The following CNTNAP2 variants were observed in gnomAD, a reference collection of about 807,000 sequenced individuals.
CNTNAP2 encodes contactin associated protein 2.
In CNTNAP2, 98 loss-of-function variants were observed where a neutral mutation model predicts 155.2. The ratio of observed to expected loss-of-function variants is 0.63; its 90% CI spans 0.54 to 0.75. CNTNAP2 has a LOEUF of 0.75. Among genes scored for constraint, CNTNAP2 ranks in the 30% least tolerant of loss-of-function variants. CNTNAP2 has a pLI of 0.00. For missense variants in CNTNAP2, 1,727 were observed against 1,688.1 expected (o/e 1.02, Z -0.40); for synonymous variants, 651 against 631.2 (o/e 1.03, Z -0.47).
chr7:147,891,043 G>A (rs562399670), intron 13 of CNTNAP2, among the ~76,000 whole-genome samples: 2 of 152,120 alleles, frequency 1.3e-5, no homozygotes, highest in African/African-American at 4.8e-5. Flanking sequence ...TGTGTTAAAT[G>A]TATTTAATTT....
At chr7:148,136,048 G>GAA (rs1804941477) in intron 16 of CNTNAP2, among the ~76,000 whole-genome samples, 1 of 79,296 alleles carries the variant, frequency 1.3e-5, no homozygotes, top group African/African-American at 4.9e-5. Context: ...AGGGAGGGAG[G>GAA]GGAAGGGAAG....
At chr7:147,774,008 T>G (rs890683972) in intron 13 of CNTNAP2, among the ~76,000 whole-genome samples, 1 of 152,168 alleles carries the variant, frequency 6.6e-6, no homozygotes, top group African/African-American at 2.4e-5. Context: ...TCTTTGATTT[T>G]TGTTGTTTTC....
intron 13 of CNTNAP2, among the ~76,000 whole-genome samples, chr7:147,658,961 A>G (rs1404248219): frequency 6.6e-6 from 1 of 152,108 alleles, no homozygotes; most frequent in Non-Finnish European, 1.5e-5. Context: ...GCACAATCTT[A>G]TTTTTGGAAC....
At chr7:147,523,279 C>G in intron 11 of CNTNAP2, among the ~76,000 whole-genome samples, 1 of 152,144 alleles carries the variant, frequency 6.6e-6, no homozygotes, top group East Asian at 1.9e-4. Context: ...CATCCCGGTT[C>G]ACCAAGAGGG....
chr7:146,795,897 T>A (rs1802759942), intron 2 of CNTNAP2, among the ~76,000 whole-genome samples: 1 of 152,128 alleles, frequency 6.6e-6, no homozygotes, highest in South Asian at 2.1e-4. Flanking sequence ...TGAAAACAAC[T>A]TAAATGTCCA....
intron 3 of CNTNAP2, among the ~76,000 whole-genome samples, chr7:146,918,726 C>A (rs1455987022): frequency 6.6e-6 from 1 of 152,192 alleles, no homozygotes; most frequent in Non-Finnish European, 1.5e-5. Context: ...ATGTCTAGAT[C>A]CCCAGCAAGG....
intron 3 of CNTNAP2, among the ~76,000 whole-genome samples, chr7:146,953,130 A>C (rs1276708951): frequency 6.6e-6 from 1 of 152,040 alleles, no homozygotes; most frequent in Non-Finnish European, 1.5e-5. Flanking sequence ...AAAAAACTTG[A>C]TGGATAGTCA....
intron 1 of CNTNAP2, among the ~76,000 whole-genome samples, chr7:146,548,317 A>G (rs1798061206): frequency 6.6e-6 from 1 of 152,028 alleles, no homozygotes; most frequent in Admixed American, 6.6e-5. Flanking sequence ...TTATGGATGC[A>G]TAGTATTCCT....
intron 10 of CNTNAP2, among the ~76,000 whole-genome samples, chr7:147,464,980 A>G (rs2373136): frequency 0.78 from 118,480 of 151,722 alleles, 46,620 homozygotes; most frequent in African/African-American, 0.88. Flanking sequence ...TGCAGCCATA[A>G]AAAGAGTAAA....
At chr7:147,532,036 T>C (rs113484508) in intron 11 of CNTNAP2, among the ~76,000 whole-genome samples, 27,358 of 152,022 alleles carry the variant, frequency 0.18, 2,679 homozygotes, top group Admixed American at 0.25. Flanking sequence ...CTCGATCTCC[T>C]GACCTTGTGA....
At chr7:146,130,827 T>C (rs753588576) in intron 1 of CNTNAP2, among the ~76,000 whole-genome samples, 2 of 152,106 alleles carry the variant, frequency 1.3e-5, no homozygotes, top group Non-Finnish European at 2.9e-5. Flanking sequence ...TCTTACATGG[T>C]GGCAGATGAG....
rs550632458 is a variant in CNTNAP2 at position 147,261,199 on chromosome 7, A to G, written c.1349-38942A>G. On this transcript the variant is annotated intron_variant, in intron 8 of 23. Coordinates refer to ENST00000361727, the MANE Select transcript of CNTNAP2 (RefSeq NM_014141.6). ...ATGTATCCTTTTGGTCACCCATTAAATCACATGAGAAATGTTTAAATTCCT... is the reference window on the plus strand; with the variant it reads ...ATGTATCCTTTTGGTCACCCATTAAGTCACATGAGAAATGTTTAAATTCCT... Among the ~76,000 whole-genome samples, 46 of 152,330 alleles carry G rather than the reference A, an allele frequency of 3.0e-4. 1 individual carries two copies. The South Asian group carries it at 6.8e-3, about 23-fold the overall frequency.
chr7:148,025,126 A>G (rs982303159), intron 15 of CNTNAP2, among the ~76,000 whole-genome samples: 4 of 152,212 alleles, frequency 2.6e-5, no homozygotes, highest in Non-Finnish European at 4.4e-5. Context: ...CTGCTAAGAT[A>G]TATGCATAGT....
At chr7:148,164,989 G>T (rs114542224) in intron 17 of CNTNAP2, among the ~76,000 whole-genome samples, 2,114 of 151,950 alleles carry the variant, frequency 0.014, 45 homozygotes, top group African/African-American at 0.049. Flanking sequence ...GTGAGAAGAG[G>T]GACCCCAAGG....
chr7:148,349,995 G>T (rs374131423), intron 21 of CNTNAP2, among the ~76,000 whole-genome samples: 1 of 152,244 alleles, frequency 6.6e-6, no homozygotes, highest in African/African-American at 2.4e-5. Flanking sequence ...TGGGAGGTCA[G>T]TGGAGGGCTT....
At chr7:146,491,917 C>A (rs700275) in intron 1 of CNTNAP2, among the ~76,000 whole-genome samples, 77,976 of 151,636 alleles carry the variant, frequency 0.51, 20,224 homozygotes, top group Admixed American at 0.62. Context: ...GTGATACCTC[C>A]CTGAAACTCT....
intron 4 of CNTNAP2, among the ~76,000 whole-genome samples, chr7:147,060,270 A>C (rs1799638559): frequency 6.6e-6 from 1 of 152,198 alleles, no homozygotes; most frequent in Non-Finnish European, 1.5e-5. Flanking sequence ...AAGTCATGAC[A>C]AAAAGGGAAG....
chr7:147,132,652 T>C, intron 8 of CNTNAP2, 143 bp downstream of exon 8: 1 of 1,143,256 alleles, frequency 8.7e-7, no homozygotes, highest in Non-Finnish European at 1.3e-6. Flanking sequence ...TTGGTTGTAG[T>C]GTGTGCTGAT....
intron 2 of CNTNAP2, among the ~76,000 whole-genome samples, chr7:146,833,799 C>T (rs1803560981): frequency 6.6e-6 from 1 of 152,186 alleles, no homozygotes; most frequent in South Asian, 2.1e-4. Flanking sequence ...GTCCCCAGAT[C>T]CGGACTCTGT....
Sources: gnomAD v4.1 joint callset for allele counts (sites outside exome capture counted in the v4.1 genomes callset) on GRCh38, gnomAD v4.1.1 for gene constraint, MANE v1.5 for transcripts, NCBI Gene and HGNC (gene_info 2026-07-23, HGNC 2026-07-21) for gene names.